The following GRID2 variants were observed in gnomAD, a reference collection of about 807,000 sequenced individuals.
The protein encoded by GRID2 is glutamate ionotropic receptor delta type subunit 2, also known as glutamate receptor ionotropic, delta-2.
Under a neutral mutation model 114.8 loss-of-function variants are expected in GRID2, and 33 were observed. That is an observed-to-expected ratio of 0.29 (90% confidence interval 0.22 to 0.38). GRID2 has a LOEUF of 0.38. Ranked by LOEUF, GRID2 falls within the 10% of genes least tolerant of loss-of-function variation. The pLI is 1.00. For synonymous variants in GRID2, 505 were observed against 449.9 expected (o/e 1.12, Z -1.55); for missense variants, 1,184 against 1,257.7 (o/e 0.94, Z 0.89).
intron 9 of GRID2, among the ~76,000 whole-genome samples, chr4:93,414,205 C>A (rs1443267567): frequency 6.6e-6 from 1 of 152,146 alleles, no homozygotes; most frequent in Non-Finnish European, 1.5e-5. Context: ...ACTGCCAAGT[C>A]ACTTCTGATT....
intron 9 of GRID2, among the ~76,000 whole-genome samples, chr4:93,420,600 A>G (rs1216078126): frequency 6.6e-6 from 1 of 152,098 alleles, no homozygotes; most frequent in African/African-American, 2.4e-5. Flanking sequence ...AATCTGATTC[A>G]TTCTGAAAAC....
intron 2 of GRID2, among the ~76,000 whole-genome samples, chr4:92,832,592 C>T (rs1742192110): frequency 6.6e-6 from 1 of 152,062 alleles, no homozygotes; most frequent in South Asian, 2.1e-4. Context: ...CGGGGTTTCA[C>T]CATGTTGGCC....
chr4:92,709,589 A>ATATATATATATATAT (rs1553919234), intron 2 of GRID2, among the ~76,000 whole-genome samples: 2 of 114,660 alleles, frequency 1.7e-5, no homozygotes, highest in African/African-American at 3.4e-5. Context: ...AAAAAAAAAA[A>ATATATATATATATAT]ATATATATAT....
intron 1 of GRID2, among the ~76,000 whole-genome samples, chr4:92,396,641 GTA>G (rs926785300): frequency 1.3e-5 from 2 of 152,052 alleles, no homozygotes; most frequent in Non-Finnish European, 1.5e-5. Context: ...AAGATAGCAT[GTA>G]AATGCCAACA....
At chr4:92,340,083 C>G (rs1030811741) in intron 1 of GRID2, among the ~76,000 whole-genome samples, 1 of 151,756 alleles carries the variant, frequency 6.6e-6, no homozygotes, top group Non-Finnish European at 1.5e-5. Flanking sequence ...TTTAAATGAA[C>G]AATAAAAAAT....
chr4:93,054,323 C>A (rs1727015925), intron 2 of GRID2, among the ~76,000 whole-genome samples: 2 of 141,310 alleles, frequency 1.4e-5, no homozygotes, highest in Non-Finnish European at 3.1e-5. Context: ...TTTTATAGAA[C>A]TTTTGGTAGT....
chr4:92,639,824 A>T (rs938043047), intron 2 of GRID2, among the ~76,000 whole-genome samples: 2 of 151,890 alleles, frequency 1.3e-5, no homozygotes, highest in Non-Finnish European at 2.9e-5. Context: ...CAAAATATGA[A>T]ATAAAATGAG....
chr4:93,094,723 A>G (rs1299341921), intron 3 of GRID2, among the ~76,000 whole-genome samples: 1 of 152,048 alleles, frequency 6.6e-6, no homozygotes, highest in Non-Finnish European at 1.5e-5. Context: ...CAGGACTCCT[A>G]CTTACACTAA....
intron 8 of GRID2, among the ~76,000 whole-genome samples, chr4:93,340,606 T>C (rs1004496220): frequency 3.3e-5 from 5 of 152,174 alleles, no homozygotes; most frequent in African/African-American, 1.2e-4. Flanking sequence ...TTTTCTCAAA[T>C]GTCTGATGAC....
intron 2 of GRID2, among the ~76,000 whole-genome samples, chr4:92,763,164 G>A (rs933872270): frequency 6.6e-6 from 1 of 152,142 alleles, no homozygotes; most frequent in African/African-American, 2.4e-5. Context: ...TAATGAGCTA[G>A]AGTGAACTTA....
At chr4:93,763,353 T>A (rs1260651775) in intron 14 of GRID2, among the ~76,000 whole-genome samples, 1 of 152,132 alleles carries the variant, frequency 6.6e-6, no homozygotes, top group Admixed American at 6.6e-5. Context: ...AAATTTAGTT[T>A]TTTCCCCACT....
chr4:93,666,049 C>A (rs1383504822), intron 14 of GRID2, among the ~76,000 whole-genome samples: 2 of 152,072 alleles, frequency 1.3e-5, no homozygotes, highest in Non-Finnish European at 2.9e-5. Flanking sequence ...AGGGAAGGTA[C>A]AATAACTGGT....
intron 14 of GRID2, among the ~76,000 whole-genome samples, chr4:93,655,418 G>A (rs111674702): frequency 1.3e-5 from 2 of 151,950 alleles, no homozygotes; most frequent in African/African-American, 4.8e-5. Flanking sequence ...AAGAAATTAT[G>A]CTGGACATGA....
At chr4:93,275,031 C>T (rs1288029811) in intron 8 of GRID2, among the ~76,000 whole-genome samples, 2 of 151,950 alleles carry the variant, frequency 1.3e-5, no homozygotes, top group Non-Finnish European at 2.9e-5. Context: ...TTTCATCACT[C>T]TAAGAAGAAA....
chr4:93,278,814 T>C (rs1752347052), intron 8 of GRID2, among the ~76,000 whole-genome samples: 1 of 151,292 alleles, frequency 6.6e-6, no homozygotes, highest in South Asian at 2.1e-4. Context: ...AGGTGGTTTT[T>C]GTGAACAGAA....
chr4:93,050,915 T>G (rs1451398820), intron 2 of GRID2, among the ~76,000 whole-genome samples: 1 of 152,076 alleles, frequency 6.6e-6, no homozygotes. Context: ...TATTTTCTCC[T>G]GGGAAAGAAT....
intron 1 of GRID2, among the ~76,000 whole-genome samples, chr4:92,325,559 C>T (rs1337336286): frequency 6.6e-6 from 1 of 151,762 alleles, no homozygotes; most frequent in African/African-American, 2.4e-5. Flanking sequence ...AGAAAACTGC[C>T]TATGAATATA....
chr4:92,526,553 A>G (rs1412172775), intron 1 of GRID2, among the ~76,000 whole-genome samples: 2 of 152,098 alleles, frequency 1.3e-5, no homozygotes, highest in Non-Finnish European at 2.9e-5. Context: ...CATGTTGGCC[A>G]GGCTAGTCTT....
intron 8 of GRID2, among the ~76,000 whole-genome samples, chr4:93,320,730 T>G (rs1008640814): frequency 6.6e-6 from 1 of 151,948 alleles, no homozygotes; most frequent in Non-Finnish European, 1.5e-5. Flanking sequence ...AGCAAAAAAA[T>G]GAAGAATATT....
Sources: allele counts gnomAD v4.1 joint callset (sites outside exome capture counted in the v4.1 genomes callset), GRCh38; gene constraint gnomAD v4.1.1; transcripts MANE v1.5; gene names NCBI Gene and HGNC (gene_info 2026-07-23, HGNC 2026-07-21).